Variants in SH3TC1 observed in about 807,000 individuals in gnomAD.
SH3TC1 encodes the protein SH3 domain and tetratricopeptide repeat-containing protein 1.
SH3TC1 carries 135 observed loss-of-function variants against 117.3 expected under a neutral mutation model. That is an observed-to-expected ratio of 1.15 (90% CI 1.00 to 1.33). SH3TC1 has a LOEUF of 1.33. Ranked by LOEUF, SH3TC1 falls within the 40% of genes most tolerant of loss-of-function variation. The pLI, the probability that SH3TC1 is intolerant of heterozygous loss-of-function variation, is 0.00. For synonymous variants in SH3TC1, 898 were observed against 816.9 expected (o/e 1.10, Z -1.69); for missense variants, 2,092 against 1,794.3 (o/e 1.17, Z -3.00).
At position 8,205,958 on chromosome 4, in the gene SH3TC1, C is replaced by T; in HGVS notation, c.172+592C>T. 6.8e-6 allele frequency: 3 copies of T among 443,294 alleles called. No individual in the cohort carries two copies. The highest frequency in any genetic ancestry group is 1.2e-5 in the Non-Finnish European group (3 of 246,434). The allele number at this position is 443,294 out of a possible 1,614,324, so 27.5% of individuals were successfully genotyped here. Reference sequence around the variant, plus strand: ...CTGCACGGCCCCTCCCGGCAGGAGACAGCTGCGGTTGTGACCCGTCCCTGG... The same window carrying T: ...CTGCACGGCCCCTCCCGGCAGGAGATAGCTGCGGTTGTGACCCGTCCCTGG... On this transcript the variant is annotated intron_variant, in intron 2 of 17. Transcript: ENST00000245105. The surrounding 1 kb of genome is among the most constrained non-coding windows in gnomAD (Gnocchi z 5.4).
Position 8,219,468 on chromosome 4 carries a change from A to G in SH3TC1, c.1050A>G (p.Ala350=). The change falls in exon 9 of 18, where the codon GCA becomes GCG. Residue 350 remains alanine, a synonymous_variant. Coordinates refer to ENST00000245105, the MANE Select transcript of SH3TC1 (RefSeq NM_018986.5). ...TGCCCTGGTGCGTGGGCCGACACGC[A>G]GCCTCGGGCCGGGTGGGGTTTGTGC... The part of the protein sequence containing the change: ...PSLPWCVGRH[A]ASGRVGFVRS... The G allele has an allele frequency of 1.9e-6, 3 of 1,607,186 alleles. No individual in the cohort carries two copies. The highest frequency in any genetic ancestry group is 2.6e-6 in the Non-Finnish European group (3 of 1,175,724).
At chr4:8,189,444 C>T (rs969180454) in intron 1 of SH3TC1, among the ~76,000 whole-genome samples, 13 of 152,228 alleles carry the variant, frequency 8.5e-5, no homozygotes, top group South Asian at 6.2e-4. Flanking sequence ...AACACACCGC[C>T]GTCACAGCCT....
chr4:8,232,038 C>T lies in SH3TC1; in HGVS notation c.3013C>T (p.Gln1005Ter). The change falls in exon 13 of 18, where the codon CAG becomes TAG. Residue 1005 changes from glutamine to a stop codon, truncating the protein, a stop_gained. Transcript: ENST00000245105. LOFTEE classifies it high-confidence loss of function. ...CAGCGCCGTCATGCCCAGCGAGGCC[C>T]AGTGTGTCATCTACCATGAGCTCCA... ...FYSAVMPSEAQCVIYHELQLS... is the reference protein window; with the variant it reads ...FYSAVMPSEA 1 of 1,613,382 alleles carries T rather than the reference C, an allele frequency of 6.2e-7. No homozygotes were observed. Among genetic ancestry groups the T allele is most frequent in the Non-Finnish European group, 8.5e-7 (1 of 1,180,018 alleles).
In SH3TC1 at chr4:8,228,028, G is replaced by T. The variant is rs752738823; in HGVS notation, c.2334G>T (p.Pro778=). The T allele has an allele frequency of 1.2e-6, 2 of 1,610,360 alleles. No homozygotes were observed. Among genetic ancestry groups the T allele is most frequent in the East Asian group, 2.2e-5 (1 of 44,834 alleles). Residue 778 remains proline, a synonymous_variant, in exon 12 of 18, where the codon CCG becomes CCT. Transcript: ENST00000245105. The part of the protein sequence containing the change: ...YLRQALASLT[P]GTGQALRGPL... ...GGCAAGCGCTGGCCTCCCTGACCCC[G>T]GGCACAGGCCAGGCGCTGCGCGGCC...
chr4:8,218,409 C>T, intron 8 of SH3TC1, 62 bp downstream of exon 8: 1 of 1,294,944 alleles, frequency 7.7e-7, no homozygotes, highest in Non-Finnish European at 1.1e-6. Context: ...GCAGCACCAA[C>T]ATTTTGGAAG....
At chr4:8,184,743 A>G (rs1165595523) in intron 1 of SH3TC1, among the ~76,000 whole-genome samples, 1 of 152,180 alleles carries the variant, frequency 6.6e-6, no homozygotes, top group African/African-American at 2.4e-5. Context: ...TCAGTTTCAC[A>G]GACTTAGTGG....
At chr4:8,231,857 T>C in intron 12 of SH3TC1, 119 bp from the exon 13 acceptor site, 2 of 1,229,820 alleles carry the variant, frequency 1.6e-6, no homozygotes, top group Admixed American at 2.1e-5. Flanking sequence ...GTTCCCCGCC[T>C]GTGGGGCCCA....
Position 8,186,535 on chromosome 4 carries a change from G to C in SH3TC1, c.-57+4325G>C, listed in dbSNP as rs1490133000. 6.6e-6 allele frequency among the ~76,000 whole-genome samples: 1 copy of C among 152,218 alleles called. No individual in the cohort carries two copies. The highest frequency in any genetic ancestry group is 2.4e-5 in the African/African-American group (1 of 41,466). ...TGAATGTGACAGGTTACGCAGGTGT[G>C]AGATGGTCATCACGGGGGAGGCTGA... is the stretch of plus-strand genomic sequence containing the variant. On this transcript the variant is annotated intron_variant, in intron 1 of 16. Coordinates refer to the SH3TC1 transcript ENST00000508641. The surrounding 1 kb of genome is among the most constrained non-coding windows in gnomAD (Gnocchi z 5.2).
chr4:8,204,393 G>A (rs1343483282), intron 1 of SH3TC1, among the ~76,000 whole-genome samples: 2 of 152,148 alleles, frequency 1.3e-5, no homozygotes, highest in African/African-American at 4.8e-5. Context: ...CCACACATCA[G>A]GCACGGATGG....
upstream of SH3TC1, among the ~76,000 whole-genome samples, chr4:8,194,581 G>A (rs543455923): frequency 2.0e-5 from 3 of 152,288 alleles, no homozygotes; most frequent in South Asian, 2.1e-4. Flanking sequence ...TTCCCAGCCC[G>A]GAGCAGGCCA....
At chr4:8,232,373 C>G in intron 13 of SH3TC1, 1 of 1,580,586 alleles carries the variant, frequency 6.3e-7, no homozygotes, top group Non-Finnish European at 8.6e-7. Context: ...TTGGGTGACA[C>G]GTCTTCCCAT....
rs1225562814 is a variant in SH3TC1 at position 8,228,250 on chromosome 4, G to T, written c.2556G>T (p.Arg852=). 6.2e-7 allele frequency: 1 copy of T among 1,611,832 alleles called. No individual in the cohort carries two copies. ...PVALDILQSV[R]DAVVASEDQE... ...CCCTGGACATCCTGCAGTCTGTCCG[G>T]GATGCAGTGGTGGCCAGCGAGGACC... Residue 852 remains arginine (R), a synonymous_variant, in exon 12 of 18, where the codon CGG becomes CGT. Transcript: ENST00000245105.
chr4:8,232,185 C>CG (rs1560111338), intron 13 of SH3TC1, 29 bp downstream of exon 13: 2 of 312,654 alleles, frequency 6.4e-6, no homozygotes, highest in Non-Finnish European at 4.3e-6. Context: ...GTGGTGGGGG[C>CG]GGGGGGAGGG....
intron 8 of SH3TC1, among the ~76,000 whole-genome samples, chr4:8,218,659 G>T (rs749314238): frequency 6.6e-6 from 1 of 152,230 alleles, no homozygotes; most frequent in Non-Finnish European, 1.5e-5. Flanking sequence ...GCTCCCAAAC[G>T]CCACTTCTCA....
intron 12 of SH3TC1, chr4:8,229,009 G>T: frequency 4.3e-6 from 1 of 234,480 alleles, no homozygotes; most frequent in Non-Finnish European, 8.3e-6. Flanking sequence ...CCATGAGCCA[G>T]GCCCTGAACG....
Position 8,186,882 on chromosome 4 carries a change from T to TGCA in SH3TC1, c.-57+4674_-57+4676dup, listed in dbSNP as rs1450759459. Among the ~76,000 whole-genome samples, 1 of 148,826 alleles carries TGCA rather than the reference T, an allele frequency of 6.7e-6. No individual in the cohort carries two copies. The highest frequency in any genetic ancestry group is 2.0e-4 in the East Asian group (1 of 5,024). ...TCGCTTGAACCCAGAAGGTGGAGGT[T>TGCA]GCAGTGAGCCGAGATCATACCACTG... is the stretch of plus-strand genomic sequence containing the variant. On this transcript the variant is annotated intron_variant, in intron 1 of 16. Coordinates refer to the SH3TC1 transcript ENST00000508641. This position sits in a 1 kb window ranked among gnomAD's most constrained non-coding sequence, Gnocchi z 5.2.
At chr4:8,196,850 G>T (rs1717569481), upstream of SH3TC1, among the ~76,000 whole-genome samples, 2 of 152,296 alleles carry the variant, frequency 1.3e-5, no homozygotes, top group Non-Finnish European at 2.9e-5. The surrounding 1 kb of genome is among the most constrained non-coding windows in gnomAD (Gnocchi z 4.6). Flanking sequence ...GGCCCAAGGA[G>T]GGGGCTGAGA....
chr4:8,227,300 G>T lies in SH3TC1; in HGVS notation c.1606G>T (p.Glu536Ter). The T allele has an allele frequency of 6.2e-7, 1 of 1,609,896 alleles. No individual in the cohort carries two copies. Among genetic ancestry groups the T allele is most frequent in the Non-Finnish European group, 8.5e-7 (1 of 1,178,824 alleles). ...LSSVFRSFSD[E>*]EELTGRLAQA... ...CAGCGTGTTCCGCAGCTTCAGCGAC[G>T]AGGAGGAGCTGACTGGGCGCCTGGC... is the stretch of plus-strand genomic sequence containing the variant. Residue 536 changes from glutamate (E) to a stop codon, truncating the protein, a stop_gained, in exon 12 of 18, where the codon GAG (glutamate) becomes TAG (stop). Coordinates refer to ENST00000245105, the MANE Select transcript of SH3TC1 (RefSeq NM_018986.5). LOFTEE classifies it high-confidence loss of function.
At chr4:8,232,206 G>A (rs1341800744) in intron 13 of SH3TC1, 50 bp downstream of exon 13, 1 of 902,102 alleles carries the variant, frequency 1.1e-6, no homozygotes, top group Admixed American at 2.8e-5. Flanking sequence ...GGCAAAGGGG[G>A]CGGCGGGGCG....
Sources: gnomAD v4.1 joint callset for allele counts (sites outside exome capture counted in the v4.1 genomes callset) on GRCh38, gnomAD v4.1.1 for gene constraint, Gnocchi (gnomAD v3.1) non-coding constraint, MANE v1.5 for transcripts, NCBI Gene and HGNC (gene_info 2026-07-23, HGNC 2026-07-21) for gene names.